PRPF6: variants seen among roughly 807,000 people sequenced by gnomAD.
The protein encoded by PRPF6 is pre-mRNA processing factor 6.
A neutral mutation model predicts 118.3 loss-of-function variants in PRPF6; 42 were observed. The observed-to-expected ratio is 0.35, with a 90% CI of 0.28 to 0.46. PRPF6 has a LOEUF of 0.46. PRPF6 is among the 20% of genes least tolerant of loss of function. The pLI is 1.00. For synonymous variants in PRPF6, 481 were observed against 485.1 expected, an observed-to-expected ratio of 0.99 and a Z score of 0.11; for missense variants, 662 against 1,255.7, an observed-to-expected ratio of 0.53 and a Z score of 7.15.
chr20:63,981,175 A>C lies in PRPF6; in HGVS notation c.-71A>C. 2.0e-6 allele frequency: 3 copies of C among 1,483,994 alleles called. No individual in the cohort carries two copies. Among genetic ancestry groups the C allele is most frequent in the African/African-American group, 1.4e-5 (1 of 71,896 alleles). The allele number at this position is 1,483,994 out of a possible 1,614,324, so 91.9% of individuals were successfully genotyped here. ...CGGAGTGCATCGGACGTCGAAGCCTAGAGTCTCTGCGTCTTTCCCTCTTCC... is the reference window on the plus strand; with the variant it reads ...CGGAGTGCATCGGACGTCGAAGCCTCGAGTCTCTGCGTCTTTCCCTCTTCC... On this transcript the variant is annotated 5_prime_UTR_variant, in exon 1 of 21. Transcript: ENST00000266079.
At chr20:64,008,522 A>G (rs541732630) in intron 9 of PRPF6, among the ~76,000 whole-genome samples, 1 of 152,120 alleles carries the variant, frequency 6.6e-6, no homozygotes, top group East Asian at 1.9e-4. Flanking sequence ...TCCTTCATGG[A>G]GTTCTCCACA....
intron 6 of PRPF6, among the ~76,000 whole-genome samples, chr20:63,998,419 CAG>C (rs1215052382): frequency 2.0e-5 from 3 of 151,420 alleles, no homozygotes; most frequent in Non-Finnish European, 4.4e-5. Flanking sequence ...TTTGTAGAGA[CAG>C]AATCTTGGGA....
chr20:64,032,863 A>G lies in PRPF6; in HGVS notation c.2696A>G (p.Lys899Arg). The G allele has an allele frequency of 6.2e-7, 1 of 1,611,660 alleles. No homozygotes were observed. Among genetic ancestry groups the G allele is most frequent in the Non-Finnish European group, 8.5e-7 (1 of 1,179,366 alleles). ...GTEEQQEEVRKRCESAEPRHG... is the reference protein window; with the variant it reads ...GTEEQQEEVRRRCESAEPRHG... Reference sequence around the variant, plus strand: ...CAGGAGCAGCAGGAGGAGGTGAGGAAGCGCTGTGAGAGTGCAGAGCCTCGG... The same window carrying G: ...CAGGAGCAGCAGGAGGAGGTGAGGAGGCGCTGTGAGAGTGCAGAGCCTCGG... The change falls in exon 21 of 21, where the codon AAG (lysine) becomes AGG (arginine). Residue 899 changes from lysine (K) to arginine (R), a missense_variant. By Grantham distance (26) the Lys-to-Arg change is conservative. Around this residue, in one of 10 missense-constraint regions of PRPF6, gnomAD observed 244 missense variants for 383.7 expected, o/e 0.64. Transcript: ENST00000266079.
At chr20:64,007,704 C>T (rs2059197141) in intron 9 of PRPF6, among the ~76,000 whole-genome samples, 2 of 151,984 alleles carry the variant, frequency 1.3e-5, no homozygotes, top group African/African-American at 2.4e-5. Flanking sequence ...TGGGCTCAAG[C>T]GATCCTCCCA....
chr20:63,982,253 ATC>A (rs2059072797), intron 1 of PRPF6, among the ~76,000 whole-genome samples: 2 of 152,084 alleles, frequency 1.3e-5, no homozygotes, highest in South Asian at 4.2e-4. Context: ...GCTCCCTGCA[ATC>A]TCTGCCCCCC....
chr20:64,032,032 G>T lies in PRPF6; in HGVS notation c.2661G>T (p.Gln887His). 1.2e-6 allele frequency: 2 copies of T among 1,614,082 alleles called. No individual in the cohort carries two copies. Among genetic ancestry groups the T allele is most frequent in the Non-Finnish European group, 8.5e-7 (1 of 1,180,032 alleles). Residue 887 changes from glutamine to histidine, a missense_variant, in exon 20 of 21, where the codon CAG becomes CAT. Physicochemically the swap from Gln to His is conservative, Grantham distance 24. Transcript: ENST00000266079. ...AWAFFYKFEL[Q>H]HGTEEQQEEV... Reference sequence around the variant, plus strand: ...CCTTCTTCTACAAGTTTGAGCTGCAGCATGGCACTGAGGTGAGGCCCCTCG... The same window carrying T: ...CCTTCTTCTACAAGTTTGAGCTGCATCATGGCACTGAGGTGAGGCCCCTCG...
chr20:64,004,170 G>A (rs2123035039), intron 9 of PRPF6, among the ~76,000 whole-genome samples: 1 of 151,398 alleles, frequency 6.6e-6, no homozygotes, highest in South Asian at 2.1e-4. Flanking sequence ...ATTTGGAGAT[G>A]GGAGTATGCT....
Position 64,026,216 on chromosome 20 carries a change from G to A in PRPF6, c.2028+158G>A, listed in dbSNP as rs145439141. The stretch of plus-strand genomic sequence containing the variant: ...ATGTGACTAAAACATTCATGTGGCC[G>A]GGCGTGGTGGCCGGGCGCGGTGGCT... On this transcript the variant is annotated intron_variant, in intron 15 of 20. Transcript: ENST00000266079. The surrounding 1 kb of genome is among the most constrained non-coding windows in gnomAD (Gnocchi z 4.4). Among the ~76,000 whole-genome samples the A allele has an allele frequency of 1.8e-4, 27 of 152,282 alleles. No homozygotes were observed. Among genetic ancestry groups the A allele is most frequent in the African/African-American group, 2.9e-4 (12 of 41,564 alleles).
chr20:64,031,695 CA>C lies in PRPF6; in HGVS notation c.2547-214del, dbSNP rs1010019277. Among the ~76,000 whole-genome samples the C allele has an allele frequency of 5.5e-4, 78 of 142,516 alleles. No individual in the cohort carries two copies. In the South Asian group the frequency reaches 5.6e-3, roughly 10 times the overall value. The allele number at this position is 142,516 out of a possible 152,430, so 93.5% of individuals were successfully genotyped here. A position where few individuals can be genotyped will look rare whatever the true frequency, so the allele number is the denominator to read the frequency against. ...CTCAAAAAAAAAAAAAAAAAAACAACAAAAAAAAACCAATTTGGTTAGACCC... is the reference window on the plus strand; with the variant it reads ...CTCAAAAAAAAAAAAAAAAAAACAACAAAAAAAACCAATTTGGTTAGACCC... On this transcript the variant is annotated intron_variant, in intron 19 of 20. Transcript: ENST00000266079.
chr20:64,007,191 G>A (rs980222707), intron 9 of PRPF6, among the ~76,000 whole-genome samples: 1 of 152,188 alleles, frequency 6.6e-6, no homozygotes, highest in Non-Finnish European at 1.5e-5. Context: ...TGCTGCATCT[G>A]CCCAACCTTG....
At chr20:64,025,391 T>C (rs1323490841) in intron 14 of PRPF6, among the ~76,000 whole-genome samples, 1 of 152,198 alleles carries the variant, frequency 6.6e-6, no homozygotes. Context: ...GGCACCGGGC[T>C]GGGGAGGCTT....
rs538876778 is a variant in PRPF6 at position 64,017,239 on chromosome 20, G to A, written c.1647+394G>A. The stretch of plus-strand genomic sequence containing the variant: ...ATCACAGGCGTGAGCCACCGCGCCC[G>A]GCCTCCCAGAGTGCTGGGATCACAG... On this transcript the variant is annotated intron_variant, in intron 12 of 20. Coordinates refer to ENST00000266079, the MANE Select transcript of PRPF6 (RefSeq NM_012469.4). Among the ~76,000 whole-genome samples the A allele has an allele frequency of 1.3e-4, 20 of 151,334 alleles. No individual in the cohort carries two copies. In the South Asian group the frequency reaches 1.7e-3, roughly 13 times the overall value.
chr20:64,002,676 C>T (rs905792859), intron 9 of PRPF6, among the ~76,000 whole-genome samples: 9 of 142,602 alleles, frequency 6.3e-5, no homozygotes, highest in African/African-American at 2.1e-4. Flanking sequence ...TGGAGTCTCA[C>T]TTTGTCCCCC....
chr20:63,996,460 A>G (rs941479882), intron 6 of PRPF6, among the ~76,000 whole-genome samples: 1 of 152,234 alleles, frequency 6.6e-6, no homozygotes, highest in African/African-American at 2.4e-5. Flanking sequence ...GATTACAGGC[A>G]TGTGCCACCA....
At chr20:64,008,571 G>C (rs907756674) in intron 9 of PRPF6, among the ~76,000 whole-genome samples, 1 of 152,144 alleles carries the variant, frequency 6.6e-6, no homozygotes, top group African/African-American at 2.4e-5. Flanking sequence ...CTGGTGACCC[G>C]TGCCCGCATC....
At chr20:63,983,930 G>T (rs1433717253) in intron 2 of PRPF6, among the ~76,000 whole-genome samples, 1 of 152,156 alleles carries the variant, frequency 6.6e-6, no homozygotes, top group African/African-American at 2.4e-5. Context: ...TGGGATTACA[G>T]GCGTGAGCCA....
intron 9 of PRPF6, among the ~76,000 whole-genome samples, chr20:64,009,011 G>A (rs139714126): frequency 1.6e-3 from 237 of 152,170 alleles, no homozygotes; most frequent in African/African-American, 5.2e-3. Flanking sequence ...TAGGTCGGGC[G>A]TGGTGGCTCA....
chr20:63,987,990 C>T (rs1340814437), intron 3 of PRPF6, among the ~76,000 whole-genome samples: 1 of 152,042 alleles, frequency 6.6e-6, no homozygotes, highest in Non-Finnish European at 1.5e-5. Flanking sequence ...CGAGACCAGC[C>T]TGACCAACGT....
chr20:64,019,880 G>A (rs992051891), intron 12 of PRPF6, among the ~76,000 whole-genome samples: 2 of 152,178 alleles, frequency 1.3e-5, no homozygotes, highest in African/African-American at 2.4e-5. Flanking sequence ...TCGTCCTCCT[G>A]ACCCATTTTC....
Sources: allele counts gnomAD v4.1 joint callset (sites outside exome capture counted in the v4.1 genomes callset), GRCh38; gene constraint gnomAD v4.1.1; regional missense constraint gnomAD v4.1.1; non-coding constraint Gnocchi (gnomAD v3.1); transcripts MANE v1.5; gene names NCBI Gene and HGNC (gene_info 2026-07-23, HGNC 2026-07-21).